TOM1L2: variants seen among roughly 807,000 people sequenced by gnomAD.
TOM1L2 encodes target of myb1 like 2 membrane trafficking protein.
In TOM1L2, 31 loss-of-function variants were observed where a neutral mutation model predicts 67.9. That is an observed-to-expected ratio of 0.46 (90% CI 0.34 to 0.62). The LOEUF (loss-of-function observed/expected upper bound fraction) is 0.62. Among genes scored for constraint, TOM1L2 ranks in the 20% least tolerant of loss-of-function variants. The probability of loss-of-function intolerance (pLI) is 0.01; values close to 1 mark genes in which losing one functional copy is unlikely to be tolerated. For synonymous variants in TOM1L2, 256 were observed against 254.0 expected, an observed-to-expected ratio of 1.01 and a Z score of -0.07; for missense variants, 606 against 663.5, an observed-to-expected ratio of 0.91 and a Z score of 0.95.
At chr17:17,869,092 C>G in intron 8 of TOM1L2, 1 of 616,884 alleles carries the variant, frequency 1.6e-6, no homozygotes, top group African/African-American at 1.9e-5. Flanking sequence ...GGCAGAGCAG[C>G]CTGAGGCTTA....
chr17:17,956,585 C>A (rs1263331285), intron 1 of TOM1L2, among the ~76,000 whole-genome samples: 3 of 152,186 alleles, frequency 2.0e-5, no homozygotes, highest in Non-Finnish European at 4.4e-5. Context: ...GCATAGGAGC[C>A]CACGGCAGGG....
chr17:17,936,380 G>T (rs974470028), intron 1 of TOM1L2, among the ~76,000 whole-genome samples: 4 of 152,176 alleles, frequency 2.6e-5, no homozygotes, highest in African/African-American at 9.7e-5. Flanking sequence ...GGCCAGGTTA[G>T]GTGGGGTCTC....
chr17:17,905,812 G>T (rs1433047693), intron 2 of TOM1L2, among the ~76,000 whole-genome samples: 4 of 152,092 alleles, frequency 2.6e-5, no homozygotes, highest in Non-Finnish European at 5.9e-5. Context: ...CCACTCCTCT[G>T]CTTGAATCTC....
At position 17,879,658 on chromosome 17, in the gene TOM1L2, T is replaced by C; in HGVS notation, c.746A>G (p.Gln249Arg). 1.2e-6 allele frequency: 2 copies of C among 1,614,226 alleles called. No individual in the cohort carries two copies. The highest frequency in any genetic ancestry group is 8.5e-7 in the Non-Finnish European group (1 of 1,180,028). ...SEMLTEMVPG[Q>R]EDSSDLELLQ... The stretch of plus-strand genomic sequence containing the variant: ...CAACTCCAGATCAGATGAATCCTCC[T>C]GTCCAGGGACCATTTCTGTTAACAT... The change falls in exon 7 of 15, where the codon CAG (glutamine) becomes CGG (arginine). Residue 249 changes from glutamine (Q) to arginine (R), a missense_variant. Physicochemically the swap from Gln to Arg is conservative, Grantham distance 43. Coordinates refer to ENST00000379504, the MANE Select transcript of TOM1L2 (RefSeq NM_001082968.2).
intron 2 of TOM1L2, among the ~76,000 whole-genome samples, chr17:17,905,428 T>G (rs1257757688): frequency 6.6e-6 from 1 of 152,246 alleles, no homozygotes; most frequent in African/African-American, 2.4e-5. Flanking sequence ...ATTCCTGTCT[T>G]ATGTCAGCCA....
At position 17,900,145 on chromosome 17, in the gene TOM1L2, G is replaced by A. The variant is rs1025240976; in HGVS notation, c.138-1471C>T. On this transcript the variant is annotated intron_variant, in intron 2 of 14. Coordinates refer to ENST00000379504, the MANE Select transcript of TOM1L2 (RefSeq NM_001082968.2). ...GGAGAATCGCTTGAACCTGGGAGAC[G>A]GAGGTTGCAGTGAGCTGAGATCACG... Among the ~76,000 whole-genome samples, 8 of 152,210 alleles carry A rather than the reference G, an allele frequency of 5.3e-5. No homozygotes were observed. The South Asian group carries it at 6.2e-4, about 12-fold the overall frequency.
In TOM1L2 at chr17:17,869,479, G is replaced by T; in HGVS notation, c.778-6C>A. On this transcript the variant is annotated splice_region_variant and splice_polypyrimidine_tract_variant and intron_variant, in intron 7 of 14. Transcript: ENST00000379504. ...CGACAGGTCCTGTTGAGCTCCTAGGGAACACATGCACCTCTGGGTAGCCTG... is the reference window on the plus strand; with the variant it reads ...CGACAGGTCCTGTTGAGCTCCTAGGTAACACATGCACCTCTGGGTAGCCTG... The T allele has an allele frequency of 1.2e-6, 2 of 1,600,770 alleles. No individual in the cohort carries two copies. Among genetic ancestry groups the T allele is most frequent in the South Asian group, 2.2e-5 (2 of 89,712 alleles).
chr17:17,882,876 C>A lies in TOM1L2; in HGVS notation c.502-13G>T, dbSNP rs1393692198. On this transcript the variant is annotated splice_polypyrimidine_tract_variant and intron_variant, in intron 5 of 14. Coordinates refer to ENST00000379504, the MANE Select transcript of TOM1L2 (RefSeq NM_001082968.2). ...CTTCAGGGACACTCTGGCATGGCAACAACAAAGTCCTCTGTTTACCTGGGC... is the reference window on the plus strand; with the variant it reads ...CTTCAGGGACACTCTGGCATGGCAAAAACAAAGTCCTCTGTTTACCTGGGC... The A allele has an allele frequency of 1.2e-6, 2 of 1,613,470 alleles. No individual in the cohort carries two copies. The highest frequency in any genetic ancestry group is 2.2e-5 in the East Asian group (1 of 44,876).
intron 1 of TOM1L2, among the ~76,000 whole-genome samples, chr17:17,949,827 G>T (rs1395071687): frequency 7.2e-6 from 1 of 139,350 alleles, no homozygotes; most frequent in Non-Finnish European, 1.5e-5. Context: ...TTATAACACT[G>T]AATCTGTTCT....
chr17:17,906,529 T>G (rs903110275), intron 2 of TOM1L2, among the ~76,000 whole-genome samples: 5 of 152,170 alleles, frequency 3.3e-5, no homozygotes, highest in African/African-American at 1.2e-4. Context: ...AGGTTATATG[T>G]TTAATTATCT....
intron 1 of TOM1L2, among the ~76,000 whole-genome samples, chr17:17,927,177 T>TA (rs1038649080): frequency 6.6e-6 from 1 of 152,198 alleles, no homozygotes; most frequent in South Asian, 2.1e-4. Flanking sequence ...TCTTTAGCAC[T>TA]AAAAAAACCA....
intron 1 of TOM1L2, among the ~76,000 whole-genome samples, chr17:17,962,832 G>T (rs572860812): frequency 6.6e-6 from 1 of 151,964 alleles, no homozygotes; most frequent in South Asian, 2.1e-4. Flanking sequence ...GTGGTGGCGC[G>T]TGCCTGTAGT....
chr17:17,869,587 G>T, intron 7 of TOM1L2, 114 bp from the exon 8 acceptor site: 1 of 1,427,920 alleles, frequency 7.0e-7, no homozygotes, highest in African/African-American at 1.4e-5. Flanking sequence ...GTACATGCTT[G>T]TTCATAAAAC....
At chr17:17,848,957 C>T in intron 13 of TOM1L2, 98 bp from the exon 14 acceptor site, 1 of 1,179,748 alleles carries the variant, frequency 8.5e-7, no homozygotes, top group Admixed American at 2.0e-5. Context: ...GACAGCACTG[C>T]CCAGGGTAGC....
chr17:17,939,830 G>A (rs185614934), intron 1 of TOM1L2, among the ~76,000 whole-genome samples: 12 of 152,274 alleles, frequency 7.9e-5, no homozygotes, highest in Admixed American at 7.8e-4. Context: ...CACATTTGTT[G>A]AGTCCCCATT....
intron 1 of TOM1L2, among the ~76,000 whole-genome samples, chr17:17,921,677 T>C (rs1169391870): frequency 7.4e-6 from 1 of 134,794 alleles, no homozygotes; most frequent in Non-Finnish European, 1.5e-5. Flanking sequence ...GCTGGGAGGA[T>C]CAAAGTTTCT....
chr17:17,898,733 A>G (rs2038703976), intron 2 of TOM1L2, 59 bp from the exon 3 acceptor site: 11 of 1,560,386 alleles, frequency 7.0e-6, no homozygotes, highest in Non-Finnish European at 9.7e-6. Flanking sequence ...ACACGATCCT[A>G]CAGATATGTG....
intron 4 of TOM1L2, among the ~76,000 whole-genome samples, chr17:17,885,030 CAG>C (rs2037925481): frequency 6.6e-6 from 1 of 152,212 alleles, no homozygotes; most frequent in Admixed American, 6.5e-5. Context: ...GGAGAAGAGA[CAG>C]AGAAATAACA....
intron 1 of TOM1L2, among the ~76,000 whole-genome samples, chr17:17,935,391 C>A (rs1053259319): frequency 6.6e-6 from 1 of 152,204 alleles, no homozygotes; most frequent in African/African-American, 2.4e-5. Context: ...GTTAAGAACT[C>A]CTTGATTTAA....
Sources: allele counts gnomAD v4.1 joint callset (sites outside exome capture counted in the v4.1 genomes callset), GRCh38; gene constraint gnomAD v4.1.1; transcripts MANE v1.5; gene names NCBI Gene and HGNC (gene_info 2026-07-23, HGNC 2026-07-21).